The following DAB1 variants were observed in gnomAD, a reference collection of about 807,000 sequenced individuals.
DAB1 encodes the protein DAB adaptor protein 1, also known as disabled homolog 1.
A neutral mutation model predicts 64.6 loss-of-function variants in DAB1; 15 were observed. The observed-to-expected ratio is 0.23, with a 90% CI of 0.16 to 0.36. The LOEUF (loss-of-function observed/expected upper bound fraction) is 0.36, where lower values mean the gene tolerates loss of function less well. Among genes scored for constraint, DAB1 ranks in the 10% least tolerant of loss-of-function variants. DAB1 has a pLI of 1.00. For missense variants in DAB1, 596 were observed against 706.7 expected, an observed-to-expected ratio of 0.84 and a Z score of 1.78; for synonymous variants, 235 against 251.9, an observed-to-expected ratio of 0.93 and a Z score of 0.64.
intron 9 of DAB1, 37 bp from the exon 10 acceptor site, chr1:57,026,080 A>G: frequency 8.5e-6 from 13 of 1,534,756 alleles, no homozygotes; most frequent in South Asian, 1.2e-5. Flanking sequence ...GACTACAAAG[A>G]AAGCTGGTGC....
rs889505513 is a variant in DAB1 at position 57,815,492 on chromosome 1, C to T, written n.551+68507G>A. On this transcript the variant is annotated intron_variant and non_coding_transcript_variant, in intron 6 of 20. Transcript: ENST00000485760. ...GTACAGCTTTGTAAAATTCTTTTTT[C>T]GCTTATATATCTGTATGTAGGTATT... Among the ~76,000 whole-genome samples, 8 of 151,986 alleles carry T rather than the reference C, an allele frequency of 5.3e-5. No homozygotes were observed. In the East Asian group the frequency reaches 5.8e-4, roughly 11 times the overall value.
rs552662274 is a variant in DAB1, at chr1:57,278,741, T to C, written c.67+12223A>G. On this transcript the variant is annotated intron_variant, in intron 2 of 14. Transcript: ENST00000371236. ...GCTCAAAGGGGGGCAAGCAAGGCGATGTGTTCAAATTGCGCAAGGTGTTTA... is the reference window on the plus strand; with the variant it reads ...GCTCAAAGGGGGGCAAGCAAGGCGACGTGTTCAAATTGCGCAAGGTGTTTA... Among the ~76,000 whole-genome samples the C allele has an allele frequency of 1.5e-4, 23 of 152,314 alleles. No individual in the cohort carries two copies. The East Asian group carries it at 3.3e-3, about 22-fold the overall frequency.
At chr1:57,631,982 G>C (rs578006618) in intron 7 of DAB1, among the ~76,000 whole-genome samples, 2 of 152,314 alleles carry the variant, frequency 1.3e-5, no homozygotes, top group Admixed American at 6.5e-5. Flanking sequence ...GATCAGGGAA[G>C]TGGGAAAGGG....
chr1:57,238,287 G>A (rs1668238860), intron 2 of DAB1, among the ~76,000 whole-genome samples: 1 of 152,166 alleles, frequency 6.6e-6, no homozygotes, highest in Admixed American at 6.5e-5. Context: ...AAGCCCTCTA[G>A]TTATGATACC....
intron 4 of DAB1, among the ~76,000 whole-genome samples, chr1:57,127,402 T>G (rs1343747210): frequency 6.6e-6 from 1 of 152,346 alleles, no homozygotes; most frequent in Non-Finnish European, 1.5e-5. Flanking sequence ...AAAGCACACA[T>G]GTCACAGGCC....
chr1:57,026,584 C>T lies in DAB1; in HGVS notation c.724-541G>A, dbSNP rs559600555. On this transcript the variant is annotated intron_variant, in intron 9 of 14. Coordinates refer to ENST00000371236, the MANE Select transcript of DAB1 (RefSeq NM_001365792.1). ...TGTGGCATCAAGGTCATCCAGGCCA[C>T]GATTTAAATTTTCTGAATACAGAGA... 3.8e-4 allele frequency among the ~76,000 whole-genome samples: 58 copies of T among 152,166 alleles called. 1 individual carries two copies. The highest frequency in any genetic ancestry group is 1.2e-3 in the African/African-American group (51 of 41,506).
intron 1 of DAB1, among the ~76,000 whole-genome samples, chr1:57,847,531 G>A (rs1653345641): frequency 6.6e-6 from 1 of 152,230 alleles, no homozygotes; most frequent in South Asian, 2.1e-4. Context: ...AGAAAAATGA[G>A]AGAGAAAAGG....
chr1:57,625,291 C>T (rs143595372), intron 7 of DAB1, among the ~76,000 whole-genome samples: 2 of 151,968 alleles, frequency 1.3e-5, no homozygotes, highest in Non-Finnish European at 2.9e-5. Context: ...GTGTATCTTT[C>T]TGTCTCCGTG....
intron 7 of DAB1, among the ~76,000 whole-genome samples, chr1:57,483,322 G>T (rs145900962): frequency 5.9e-4 from 90 of 152,250 alleles, no homozygotes; most frequent in African/African-American, 2.1e-3. Flanking sequence ...ATTGAATCAT[G>T]GGGGTGGTTT....
intron 1 of DAB1, among the ~76,000 whole-genome samples, chr1:58,541,318 A>AAAAAAAAAAAAAAAAG (rs1646609307): frequency 7.7e-6 from 1 of 130,578 alleles, no homozygotes; most frequent in Non-Finnish European, 1.7e-5. Context: ...AAAAAAAAAA[A>AAAAAAAAAAAAAAAAG]AAAAAAAAAA....
chr1:58,463,471 C>T (rs572032149), intron 3 of DAB1, among the ~76,000 whole-genome samples: 1 of 152,330 alleles, frequency 6.6e-6, no homozygotes, highest in Admixed American at 6.5e-5. Flanking sequence ...GAGGCTAAGG[C>T]TGCCTTCCTG....
At chr1:57,221,768 T>C (rs146244641) in intron 2 of DAB1, among the ~76,000 whole-genome samples, 12 of 152,240 alleles carry the variant, frequency 7.9e-5, no homozygotes, top group African/African-American at 2.9e-4. Context: ...ACAAAAAATA[T>C]CCATTTTTTC....
chr1:57,080,593 G>A (rs566786156), intron 4 of DAB1, among the ~76,000 whole-genome samples: 1 of 152,284 alleles, frequency 6.6e-6, no homozygotes, highest in South Asian at 2.1e-4. Context: ...ATAGGGAGAT[G>A]CACTAGTTAA....
chr1:57,782,826 C>A (rs950793921), intron 6 of DAB1, among the ~76,000 whole-genome samples: 1 of 152,142 alleles, frequency 6.6e-6, no homozygotes, highest in African/African-American at 2.4e-5. Flanking sequence ...AACTAGAAGA[C>A]ATTGCAATAA....
At chr1:57,071,163 G>T in intron 6 of DAB1, 102 bp from the exon 7 acceptor site, 1 of 1,128,322 alleles carries the variant, frequency 8.9e-7, no homozygotes, top group Non-Finnish European at 1.3e-6. Context: ...AACCAGCTCT[G>T]GGCAGAAGAG....
At chr1:57,072,525 A>G (rs1651581405) in intron 4 of DAB1, 111 bp from the exon 5 acceptor site, 1 of 1,175,218 alleles carries the variant, frequency 8.5e-7, no homozygotes, top group Admixed American at 2.3e-5. Flanking sequence ...GGGCTTTGGA[A>G]AAGCTGTTTA....
intron 2 of DAB1, among the ~76,000 whole-genome samples, chr1:57,145,968 A>G (rs1046237328): frequency 2.0e-5 from 3 of 152,210 alleles, no homozygotes; most frequent in Non-Finnish European, 4.4e-5. Context: ...TGGTTTTATG[A>G]CATCTCTTCT....
chr1:57,515,621 G>A (rs1002720813), intron 7 of DAB1, among the ~76,000 whole-genome samples: 2 of 152,142 alleles, frequency 1.3e-5, no homozygotes, highest in African/African-American at 4.8e-5. Context: ...TAGTCAACCA[G>A]ATTGCTGCTG....
chr1:58,200,655 C>T (rs1292971631), intron 4 of DAB1, among the ~76,000 whole-genome samples: 3 of 152,200 alleles, frequency 2.0e-5, no homozygotes, highest in Non-Finnish European at 2.9e-5. Flanking sequence ...ACTAAAAACA[C>T]TTGGCATATC....
Sources: allele counts gnomAD v4.1 joint callset (sites outside exome capture counted in the v4.1 genomes callset), GRCh38; gene constraint gnomAD v4.1.1; transcripts MANE v1.5; gene names NCBI Gene and HGNC (gene_info 2026-07-23, HGNC 2026-07-21).